Variants in SYK observed in about 807,000 individuals in gnomAD.
SYK encodes tyrosine-protein kinase SYK.
Under a neutral mutation model 77.8 loss-of-function variants are expected in SYK, and 16 were observed. The observed-to-expected ratio is 0.21, with a 90% confidence interval of 0.14 to 0.31. The LOEUF (loss-of-function observed/expected upper bound fraction) is 0.31, where lower values mean the gene tolerates loss of function less well. Ranked by LOEUF, SYK falls within the 10% of genes least tolerant of loss-of-function variation. The pLI is 1.00. For missense variants in SYK, 529 were observed against 814.4 expected (o/e 0.65, Z 4.26); for synonymous variants, 312 against 308.7 (o/e 1.01, Z -0.11).
chr9:90,867,918 T>C (rs1827580042), intron 7 of SYK, among the ~76,000 whole-genome samples: 1 of 152,214 alleles, frequency 6.6e-6, no homozygotes, highest in South Asian at 2.1e-4. Flanking sequence ...TTGCTTTTTT[T>C]CCATTCTACT....
intron 1 of SYK, among the ~76,000 whole-genome samples, chr9:90,830,617 G>A (rs149174468): frequency 0.011 from 1,418 of 128,686 alleles, 18 homozygotes; most frequent in African/African-American, 0.039. Context: ...ATGGAGTCTC[G>A]CTCTGTCGCC....
At chr9:90,851,254 C>T (rs1182222176) in intron 3 of SYK, among the ~76,000 whole-genome samples, 1 of 152,180 alleles carries the variant, frequency 6.6e-6, no homozygotes, top group African/African-American at 2.4e-5. Context: ...AGCACCAGGG[C>T]ATGTCCATGT....
intron 1 of SYK, among the ~76,000 whole-genome samples, chr9:90,805,003 C>T (rs569831464): frequency 3.3e-5 from 5 of 151,966 alleles, no homozygotes; most frequent in African/African-American, 1.2e-4. Flanking sequence ...CCCTACATCT[C>T]TTAAAAGGTG....
At chr9:90,892,238 C>T (rs1363879228) in intron 13 of SYK, among the ~76,000 whole-genome samples, 5 of 152,044 alleles carry the variant, frequency 3.3e-5, no homozygotes, top group African/African-American at 1.2e-4. Context: ...CTAGAGAAGG[C>T]GCTAGGAGAT....
chr9:90,807,775 C>T (rs1325859999), intron 1 of SYK, among the ~76,000 whole-genome samples: 2 of 152,192 alleles, frequency 1.3e-5, no homozygotes, highest in Non-Finnish European at 2.9e-5. Flanking sequence ...GATTCAGATA[C>T]AGCGAGCAAC....
At chr9:90,866,194 C>T (rs959020163) in intron 6 of SYK, among the ~76,000 whole-genome samples, 9 of 152,198 alleles carry the variant, frequency 5.9e-5, no homozygotes, top group Non-Finnish European at 2.9e-5. Flanking sequence ...CCACCGTGCC[C>T]GGCCCATATG....
intron 3 of SYK, among the ~76,000 whole-genome samples, chr9:90,850,875 T>C (rs1826794906): frequency 6.6e-6 from 1 of 152,064 alleles, no homozygotes; most frequent in Non-Finnish European, 1.5e-5. Flanking sequence ...AGGCAGCATA[T>C]TTTGGAGATC....
At chr9:90,866,317 C>T (rs911249807) in intron 6 of SYK, among the ~76,000 whole-genome samples, 2 of 152,216 alleles carry the variant, frequency 1.3e-5, no homozygotes, top group African/African-American at 4.8e-5. Flanking sequence ...CATCCTGCCT[C>T]CAGTAGGGAC....
chr9:90,823,947 A>G (rs1487974883), intron 1 of SYK, among the ~76,000 whole-genome samples: 35 of 152,122 alleles, frequency 2.3e-4, no homozygotes, highest in Non-Finnish European at 5.9e-5. Context: ...AGAAAAGTCA[A>G]TAAAACCAAT....
At chr9:90,827,854 TTATG>T (rs1241942032) in intron 1 of SYK, among the ~76,000 whole-genome samples, 1 of 152,218 alleles carries the variant, frequency 6.6e-6, no homozygotes, top group African/African-American at 2.4e-5. Context: ...TTGAGTATAT[TTATG>T]TCTCAGGTTT....
chr9:90,812,200 C>T lies in SYK; in HGVS notation c.-42+10307C>T, dbSNP rs1470940834. ...TATTCTGCCTACTTCAGTGTGCCTG[C>T]AGTATTTACAACGATCAGGAGTGTG... is the stretch of plus-strand genomic sequence containing the variant. On this transcript the variant is annotated intron_variant, in intron 1 of 13. Transcript: ENST00000375754. Among the ~76,000 whole-genome samples the T allele has an allele frequency of 2.0e-5, 3 of 151,972 alleles. No individual in the cohort carries two copies. The South Asian group carries it at 6.2e-4, about 32-fold the overall frequency.
intron 1 of SYK, among the ~76,000 whole-genome samples, chr9:90,835,902 T>C (rs1350197634): frequency 6.6e-6 from 1 of 152,054 alleles, no homozygotes; most frequent in Non-Finnish European, 1.5e-5. Flanking sequence ...TTCACTTATA[T>C]GCGGATTTTT....
At chr9:90,823,204 G>C (rs543853481) in intron 1 of SYK, among the ~76,000 whole-genome samples, 1 of 152,130 alleles carries the variant, frequency 6.6e-6, no homozygotes, top group Non-Finnish European at 1.5e-5. Context: ...TATCCAAGAA[G>C]ACATAACAAT....
In SYK at chr9:90,864,605, C is replaced by G; in HGVS notation, c.734C>G (p.Ser245Cys). Residue 245 changes from serine to cysteine, a missense_variant, in exon 5 of 14, where the codon TCT becomes TGT. This residue lies in a region of SYK where 321 missense variants were observed against 433.1 expected (regional missense o/e 0.74). Transcript: ENST00000375754. ...CTCTTTCAGCTAGTCGAGCATTATT[C>G]TTATAAAGCAGATGGTTTGTTAAGA... ...DTLWQLVEHY[S>C]YKADGLLRVL... The G allele has an allele frequency of 5.0e-6, 8 of 1,614,060 alleles. No individual in the cohort carries two copies. Among genetic ancestry groups the G allele is most frequent in the Non-Finnish European group, 6.8e-6 (8 of 1,179,956 alleles).
chr9:90,838,975 C>A (rs1421312986), intron 1 of SYK, among the ~76,000 whole-genome samples: 1 of 152,168 alleles, frequency 6.6e-6, no homozygotes, highest in African/African-American at 2.4e-5. Context: ...ACAGCCGTGG[C>A]CAAGACTACG....
At chr9:90,805,713 A>T (rs1824803648) in intron 1 of SYK, among the ~76,000 whole-genome samples, 1 of 152,206 alleles carries the variant, frequency 6.6e-6, no homozygotes, top group African/African-American at 2.4e-5. Context: ...TACATCTATC[A>T]GTTCCTGTTG....
rs1476468698 is a variant in SYK at position 90,884,754 on chromosome 9, CAT to C, written c.1582-2992_1582-2991del. Among the ~76,000 whole-genome samples, 4 of 34,080 alleles carry C rather than the reference CAT, an allele frequency of 1.2e-4. 2 individuals are homozygous for C. Among genetic ancestry groups the C allele is most frequent in the Non-Finnish European group, 1.8e-4 (4 of 22,582 alleles). 22.4% of individuals were successfully genotyped at this position (34,080 alleles called of 152,430 possible). On this transcript the variant is annotated intron_variant, in intron 11 of 13. Transcript: ENST00000375754. ...GTACATGTACATATACACATATACA[CAT>C]ATGTGTACATGCACATATACACATG...
chr9:90,867,315 C>T lies in SYK; in HGVS notation c.915+116C>T, dbSNP rs547667921. On this transcript the variant is annotated intron_variant, in intron 7 of 13. Coordinates refer to ENST00000375754, the MANE Select transcript of SYK (RefSeq NM_003177.7). ...CTGCCCCCCATCTCTTGCCACTCTG[C>T]TTCCAGGCCTCTTTGCCCTTGCTCA... The T allele has an allele frequency of 2.8e-6, 3 of 1,053,794 alleles. No homozygotes were observed. The East Asian group carries it at 7.2e-5, about 25-fold the overall frequency. The allele number at this position is 1,053,794 out of a possible 1,614,324, so 65.3% of individuals were successfully genotyped here. A position where few individuals can be genotyped will look rare whatever the true frequency, so the allele number is the denominator to read the frequency against.
intron 3 of SYK, among the ~76,000 whole-genome samples, chr9:90,849,371 G>A (rs1826730608): frequency 6.6e-6 from 1 of 152,188 alleles, no homozygotes; most frequent in Non-Finnish European, 1.5e-5. Context: ...GTACAGGCCT[G>A]TGGGCTGGCC....
Sources: allele counts gnomAD v4.1 joint callset (sites outside exome capture counted in the v4.1 genomes callset), GRCh38; gene constraint gnomAD v4.1.1; regional missense constraint gnomAD v4.1.1; transcripts MANE v1.5; gene names NCBI Gene and HGNC (gene_info 2026-07-23, HGNC 2026-07-21).